Variants in AGPAT4 observed in about 807,000 individuals in gnomAD.
AGPAT4 encodes 1-acyl-sn-glycerol-3-phosphate acyltransferase delta.
AGPAT4 carries 15 observed loss-of-function variants against 48.0 expected under a neutral mutation model. The ratio of observed to expected loss-of-function variants is 0.31; its 90% CI spans 0.21 to 0.48. The LOEUF is 0.48. AGPAT4 is among the 20% of genes least tolerant of loss of function. The probability of loss-of-function intolerance (pLI) is 0.99; values close to 1 mark genes in which losing one functional copy is unlikely to be tolerated. For synonymous variants in AGPAT4, 178 were observed against 198.7 expected (o/e 0.90, Z 0.88); for missense variants, 314 against 482.5 (o/e 0.65, Z 3.27).
chr6:161,213,114 T>C (rs1781560495), intron 2 of AGPAT4, among the ~76,000 whole-genome samples: 1 of 152,190 alleles, frequency 6.6e-6, no homozygotes, highest in Admixed American at 6.5e-5. Flanking sequence ...CTCAAGTTTA[T>C]CTTGGAACCT....
At position 161,148,873 on chromosome 6, in the gene AGPAT4, C is replaced by T. The variant is rs990379822; in HGVS notation, c.767+314G>A. Among the ~76,000 whole-genome samples, 4 of 152,172 alleles carry T rather than the reference C, an allele frequency of 2.6e-5. No individual in the cohort carries two copies. Among genetic ancestry groups the T allele is most frequent in the African/African-American group, 7.2e-5 (3 of 41,432 alleles). On this transcript the variant is annotated intron_variant, in intron 6 of 8. Transcript: ENST00000320285. This position sits in a 1 kb window ranked among gnomAD's most constrained non-coding sequence, Gnocchi z 5.5. Reference sequence around the variant, plus strand: ...TGTGTATTCCATACAGCAGACCCATCGCCCACGAAAAGGGTCAATAACATA... The same window carrying T: ...TGTGTATTCCATACAGCAGACCCATTGCCCACGAAAAGGGTCAATAACATA...
intron 1 of AGPAT4, among the ~76,000 whole-genome samples, chr6:161,269,706 G>T (rs9458177): frequency 0.04 from 6,035 of 152,218 alleles, 406 homozygotes; most frequent in African/African-American, 0.14. Flanking sequence ...CTTCCTGATA[G>T]TTCTTAAGCT....
In AGPAT4 at chr6:161,211,638, C is replaced by A. The variant is rs560444186; in HGVS notation, c.178+20398G>T. ...CATAAAAAGAGATTTTTAAAAAAAA[C>A]GTTTATATGATCAAGTTGTCATATT... On this transcript the variant is annotated intron_variant, in intron 2 of 8. Coordinates refer to ENST00000320285, the MANE Select transcript of AGPAT4 (RefSeq NM_020133.3). 4.6e-5 allele frequency among the ~76,000 whole-genome samples: 7 copies of A among 151,974 alleles called. No individual in the cohort carries two copies. The South Asian group carries it at 1.5e-3, about 32-fold the overall frequency.
intron 2 of AGPAT4, among the ~76,000 whole-genome samples, chr6:161,174,061 G>C (rs760394475): frequency 1.3e-5 from 2 of 152,216 alleles, no homozygotes; most frequent in Non-Finnish European, 2.9e-5. Context: ...TTGTAGTACA[G>C]TTTGAAGTCA....
rs6934457 is a variant in AGPAT4 at position 161,161,503 on chromosome 6, T to C, written c.348+4745A>G. The C allele has an allele frequency of 0.25, 111,992 of 456,512 alleles. 17,591 individuals carry two copies. Among genetic ancestry groups the C allele is most frequent in the African/African-American group, 0.59 (29,468 of 50,096 alleles). 28.3% of individuals were successfully genotyped at this position (456,512 alleles called of 1,614,324 possible). On this transcript the variant is annotated intron_variant, in intron 3 of 8. Transcript: ENST00000320285. This position sits in a 1 kb window ranked among gnomAD's most constrained non-coding sequence, Gnocchi z 4.6. ...GGTCTGTGCCTGCAGAGCTGATGAA[T>C]TCACATGGTGGCGGGCAGCACTGGG...
rs935477553 is a variant in AGPAT4, at chr6:161,215,419, G to A, written c.178+16617C>T. Among the ~76,000 whole-genome samples, 8 of 152,034 alleles carry A rather than the reference G, an allele frequency of 5.3e-5. No individual in the cohort carries two copies. Among genetic ancestry groups the A allele is most frequent in the Non-Finnish European group, 8.8e-5 (6 of 68,028 alleles). ...ATACTCTTGGATTTACAAAACATAC[G>A]CATATACCCAGCAAACACAGACTGA... On this transcript the variant is annotated intron_variant, in intron 2 of 8. Coordinates refer to ENST00000320285, the MANE Select transcript of AGPAT4 (RefSeq NM_020133.3). The surrounding 1 kb of genome is among the most constrained non-coding windows in gnomAD (Gnocchi z 4.5).
rs116714415 is a variant in AGPAT4 at position 161,181,640 on chromosome 6, C to T, written c.179-15223G>A. Among the ~76,000 whole-genome samples the T allele has an allele frequency of 9.3e-3, 1,417 of 152,272 alleles. 24 individuals carry two copies. The highest frequency in any genetic ancestry group is 0.033 in the African/African-American group (1,355 of 41,546). Reference sequence around the variant, plus strand: ...TTGCCCAGGCTGGAGTGCAGTGGCACGATCATGGCTCACTGCAATCTCTGC... The same window carrying T: ...TTGCCCAGGCTGGAGTGCAGTGGCATGATCATGGCTCACTGCAATCTCTGC... On this transcript the variant is annotated intron_variant, in intron 2 of 8. Coordinates refer to ENST00000320285, the MANE Select transcript of AGPAT4 (RefSeq NM_020133.3).
rs1373181760 is a variant in AGPAT4 at position 161,215,085 on chromosome 6, TTTA to T, written c.178+16948_178+16950del. Among the ~76,000 whole-genome samples, 10 of 152,206 alleles carry T rather than the reference TTTA, an allele frequency of 6.6e-5. No individual in the cohort carries two copies. The stretch of plus-strand genomic sequence containing the variant: ...TTTTATGTGACATTTTAAATACTTA[TTTA>T]AATACCCCATAGAGACTGTCTAGAT... On this transcript the variant is annotated intron_variant, in intron 2 of 8. Transcript: ENST00000320285. The surrounding 1 kb of genome is among the most constrained non-coding windows in gnomAD (Gnocchi z 4.5).
intron 2 of AGPAT4, among the ~76,000 whole-genome samples, chr6:161,181,465 C>T (rs1053832787): frequency 1.3e-4 from 19 of 149,358 alleles, no homozygotes; most frequent in Non-Finnish European, 2.8e-4. Context: ...CAGGAAACCT[C>T]CCCTGGGTAT....
Position 161,149,403 on chromosome 6 carries a change from G to A in AGPAT4, c.665-114C>T, listed in dbSNP as rs1011249969. On this transcript the variant is annotated intron_variant, in intron 5 of 8. Transcript: ENST00000320285. This position sits in a 1 kb window ranked among gnomAD's most constrained non-coding sequence, Gnocchi z 6.5. ...AATGGCTAACTGCTTATCTAGAAAT[G>A]GTGTGGTCAGATTTCTTTCTTTCTA... is the stretch of plus-strand genomic sequence containing the variant. 16 of 857,208 alleles carry A rather than the reference G, an allele frequency of 1.9e-5. No individual in the cohort carries two copies. Among genetic ancestry groups the A allele is most frequent in the Non-Finnish European group, 2.6e-5 (15 of 583,640 alleles). The allele number at this position is 857,208 out of a possible 1,614,324, so 53.1% of individuals were successfully genotyped here. A position where few individuals can be genotyped will look rare whatever the true frequency, so the allele number is the denominator to read the frequency against.
Position 161,132,240 on chromosome 6 carries a change from G to C in AGPAT4, c.*4300C>G, listed in dbSNP as rs1778923059. ...AAAAATTGTTTTCAATTAAATTTCTGAAGATCTTTGTAGGGAAGCACCCTT... is the reference window on the plus strand; with the variant it reads ...AAAAATTGTTTTCAATTAAATTTCTCAAGATCTTTGTAGGGAAGCACCCTT... On this transcript the variant is annotated 3_prime_UTR_variant, in exon 9 of 9. Transcript: ENST00000320285. 1 of 152,204 alleles carries C rather than the reference G, an allele frequency of 6.6e-6. No homozygotes were observed. Among genetic ancestry groups the C allele is most frequent in the African/African-American group, 2.4e-5 (1 of 41,460 alleles). 9.4% of individuals were successfully genotyped at this position (152,204 alleles called of 1,614,324 possible).
At chr6:161,224,323 G>A (rs1241371928) in intron 2 of AGPAT4, among the ~76,000 whole-genome samples, 5 of 152,212 alleles carry the variant, frequency 3.3e-5, no homozygotes, top group Middle Eastern at 6.8e-3. Context: ...GAACCGTTTT[G>A]TAAGAGATTA....
Position 161,143,550 on chromosome 6 carries a change from A to AG in AGPAT4, c.843+2973dup, listed in dbSNP as rs1779324924. On this transcript the variant is annotated intron_variant, in intron 7 of 8. Transcript: ENST00000320285. This position sits in a 1 kb window ranked among gnomAD's most constrained non-coding sequence, Gnocchi z 4.7. ...GGCTATCGTGACCTCCCTGGAAAAA[A>AG]GGGGGTTCTGAGGTTGTAGGTTCAG... is the stretch of plus-strand genomic sequence containing the variant. 6.6e-6 allele frequency among the ~76,000 whole-genome samples: 1 copy of AG among 152,224 alleles called. No individual in the cohort carries two copies. Among genetic ancestry groups the AG allele is most frequent in the African/African-American group, 2.4e-5 (1 of 41,448 alleles).
Position 161,159,938 on chromosome 6 carries a change from T to C in AGPAT4, c.349-5628A>G, listed in dbSNP as rs1583290422. Among the ~76,000 whole-genome samples the C allele has an allele frequency of 1.3e-5, 1 of 75,048 alleles. No individual in the cohort carries two copies. Among genetic ancestry groups the C allele is most frequent in the South Asian group, 3.2e-4 (1 of 3,098 alleles). 49.2% of individuals were successfully genotyped at this position (75,048 alleles called of 152,430 possible). ...TGTGAGCCACCAAACCTGGCTTTTC[T>C]TTTTTTTTTCTTTTTTTGAGATGGA... On this transcript the variant is annotated intron_variant, in intron 3 of 8. Transcript: ENST00000320285. This position sits in a 1 kb window ranked among gnomAD's most constrained non-coding sequence, Gnocchi z 4.1.
At chr6:161,174,517 C>A (rs551975950) in intron 2 of AGPAT4, among the ~76,000 whole-genome samples, 2 of 152,164 alleles carry the variant, frequency 1.3e-5, no homozygotes, top group Admixed American at 6.5e-5. Context: ...ACTTTGCTGA[C>A]GTTGTTTATC....
chr6:161,227,365 G>A (rs773295812), intron 2 of AGPAT4, among the ~76,000 whole-genome samples: 7 of 152,196 alleles, frequency 4.6e-5, no homozygotes, highest in African/African-American at 1.2e-4. Flanking sequence ...CAGAGGAGGT[G>A]CTAAAGCACA....
rs1432183112 is a variant in AGPAT4, at chr6:161,225,123, TACCTGCTCCACCCTGACTCCTTCCGATG to T, written c.178+6885_178+6912del. ...CTGCTCTACCCAGACTCATTCGGAT[TACCTGCTCCACCCTGACTCCTTCCGATG>T]ACCTGCTCCACCCTGACTCATTCCA... On this transcript the variant is annotated intron_variant, in intron 2 of 8. Transcript: ENST00000320285. The surrounding 1 kb of genome is among the most constrained non-coding windows in gnomAD (Gnocchi z 5.0). Among the ~76,000 whole-genome samples the T allele has an allele frequency of 6.6e-6, 1 of 151,690 alleles. No individual in the cohort carries two copies. Among genetic ancestry groups the T allele is most frequent in the Admixed American group, 6.6e-5 (1 of 15,244 alleles).
At position 161,216,798 on chromosome 6, in the gene AGPAT4, T is replaced by A. The variant is rs1313831237; in HGVS notation, c.178+15238A>T. Among the ~76,000 whole-genome samples the A allele has an allele frequency of 6.6e-6, 1 of 152,078 alleles. No individual in the cohort carries two copies. Among genetic ancestry groups the A allele is most frequent in the Non-Finnish European group, 1.5e-5 (1 of 68,024 alleles). ...CCATCAGATCTCGTGAGACTTACTA[T>A]CACGAGACTAGCACGAGAAAAACTG... On this transcript the variant is annotated intron_variant, in intron 2 of 8. Transcript: ENST00000320285. This position sits in a 1 kb window ranked among gnomAD's most constrained non-coding sequence, Gnocchi z 4.8.
rs1778920624 is a variant in AGPAT4, at chr6:161,132,155, G to A, written c.*4385C>T. 6.6e-6 allele frequency: 1 copy of A among 152,148 alleles called. No homozygotes were observed. Among genetic ancestry groups the A allele is most frequent in the Non-Finnish European group, 1.5e-5 (1 of 68,018 alleles). 9.4% of individuals were successfully genotyped at this position (152,148 alleles called of 1,614,324 possible). On this transcript the variant is annotated 3_prime_UTR_variant, in exon 9 of 9. Coordinates refer to ENST00000320285, the MANE Select transcript of AGPAT4 (RefSeq NM_020133.3). ...AGACTGCTTGCTTACCCTTTGTCTG[G>A]CATGCACATTCAGGATGTGACTTCA...
Sources: gnomAD v4.1 joint callset for allele counts (sites outside exome capture counted in the v4.1 genomes callset) on GRCh38, gnomAD v4.1.1 for gene constraint, Gnocchi (gnomAD v3.1) non-coding constraint, MANE v1.5 for transcripts, NCBI Gene and HGNC (gene_info 2026-07-23, HGNC 2026-07-21) for gene names.